Variants in PDE6D observed in about 807,000 individuals in gnomAD.
PDE6D encodes the protein retinal rod rhodopsin-sensitive cGMP 3',5'-cyclic phosphodiesterase subunit delta.
PDE6D carries 10 observed loss-of-function variants against 21.9 expected under a neutral mutation model. The observed-to-expected ratio is 0.46, with a 90% CI of 0.28 to 0.78. The LOEUF is 0.78. Ranked by LOEUF, PDE6D falls within the 30% of genes least tolerant of loss-of-function variation. PDE6D has a pLI of 0.12. For missense variants in PDE6D, 139 were observed against 184.8 expected (o/e 0.75, Z 1.44); for synonymous variants, 59 against 63.5 (o/e 0.93, Z 0.34).
At position 231,732,905 on chromosome 2, in the gene PDE6D, C is replaced by T; in HGVS notation, c.*47G>A. On this transcript the variant is annotated 3_prime_UTR_variant, in exon 5 of 5. Transcript: ENST00000287600. ...GAGGAAAAAAGTAAACAGTTTCCTC[C>T]TCCCTCCAAAAAACCCAAATTCTTG... 1 of 1,226,656 alleles carries T rather than the reference C, an allele frequency of 8.2e-7. No individual in the cohort carries two copies. 76.0% of individuals were successfully genotyped at this position (1,226,656 alleles called of 1,614,324 possible).
intron 1 of PDE6D, among the ~76,000 whole-genome samples, chr2:231,743,233 G>A (rs1363429236): frequency 6.6e-6 from 1 of 151,844 alleles, no homozygotes; most frequent in Non-Finnish European, 1.5e-5. Flanking sequence ...AGACCATCTT[G>A]GCCAACATGG....
intron 1 of PDE6D, among the ~76,000 whole-genome samples, chr2:231,747,153 C>T (rs1457053183): frequency 6.6e-6 from 1 of 152,112 alleles, no homozygotes; most frequent in East Asian, 1.9e-4. Context: ...TGCAGTGGTG[C>T]GATCTCGGCT....
chr2:231,750,581 C>T (rs760640705), intron 1 of PDE6D, among the ~76,000 whole-genome samples: 10 of 149,598 alleles, frequency 6.7e-5, no homozygotes, highest in Non-Finnish European at 1.2e-4. Flanking sequence ...ACTGCAACCT[C>T]CTCCCGGGTT....
chr2:231,755,797 G>A (rs1258688060), intron 1 of PDE6D, among the ~76,000 whole-genome samples: 5 of 152,112 alleles, frequency 3.3e-5, no homozygotes, highest in East Asian at 1.9e-4. Context: ...GCGCATGCCC[G>A]TAATCCCAGC....
At chr2:231,764,896 G>C (rs1028946475) in intron 1 of PDE6D, among the ~76,000 whole-genome samples, 2 of 152,194 alleles carry the variant, frequency 1.3e-5, no homozygotes, top group East Asian at 3.8e-4. Flanking sequence ...GCAATAGAGG[G>C]AGAGTTCATT....
intron 1 of PDE6D, among the ~76,000 whole-genome samples, chr2:231,757,710 T>C (rs757028072): frequency 2.0e-5 from 3 of 152,254 alleles, no homozygotes; most frequent in Non-Finnish European, 4.4e-5. Context: ...TAATGTTTAA[T>C]GATAATGAGA....
At chr2:231,769,057 C>T (rs1266434153) in intron 1 of PDE6D, among the ~76,000 whole-genome samples, 4 of 151,922 alleles carry the variant, frequency 2.6e-5, no homozygotes, top group East Asian at 1.9e-4. Context: ...TTAGTGGTGA[C>T]GGGGTTTCAT....
At chr2:231,775,915 T>C (rs2049052482) in intron 1 of PDE6D, among the ~76,000 whole-genome samples, 1 of 152,198 alleles carries the variant, frequency 6.6e-6, no homozygotes, top group Non-Finnish European at 1.5e-5. Flanking sequence ...CATAAAAGCA[T>C]AATTCATTCT....
Position 231,739,650 on chromosome 2 carries a change from G to A in PDE6D, c.51-462C>T, listed in dbSNP as rs201756114. 7.9e-6 allele frequency among the ~76,000 whole-genome samples: 1 copy of A among 127,080 alleles called. No individual in the cohort carries two copies. The allele number at this position is 127,080 out of a possible 152,430, so 83.4% of individuals were successfully genotyped here. ...GTGGCCCCCTCTGTTTTTTTTTTTT[G>A]AAACAGAGTCTCACTCTGTCACACA... On this transcript the variant is annotated intron_variant, in intron 1 of 4. Transcript: ENST00000287600. This position sits in a 1 kb window ranked among gnomAD's most constrained non-coding sequence, Gnocchi z 4.2.
At chr2:231,768,537 ACCACCACGC>A (rs1231049181) in intron 1 of PDE6D, 2 of 151,922 alleles carry the variant, frequency 1.3e-5, no homozygotes, top group African/African-American at 4.8e-5. Flanking sequence ...ACAAGCATGC[ACCACCACGC>A]CCAGCTAATT....
intron 1 of PDE6D, among the ~76,000 whole-genome samples, chr2:231,755,106 A>C (rs1189764598): frequency 6.6e-6 from 1 of 152,176 alleles, no homozygotes; most frequent in African/African-American, 2.4e-5. Flanking sequence ...ACGAGAAAAC[A>C]GTAGTCTGCA....
intron 1 of PDE6D, among the ~76,000 whole-genome samples, chr2:231,750,255 C>T (rs1018699934): frequency 2.0e-5 from 3 of 152,114 alleles, no homozygotes; most frequent in Non-Finnish European, 4.4e-5. Context: ...AACCTTTTTC[C>T]CCCGTTTCAG....
At chr2:231,737,117 A>T in intron 4 of PDE6D, 70 bp downstream of exon 4, 1 of 832,486 alleles carries the variant, frequency 1.2e-6, no homozygotes, top group Non-Finnish European at 2.0e-6. Flanking sequence ...GAATGGCACC[A>T]GGAGTCCCAC....
At chr2:231,743,291 G>A (rs1470080734) in intron 1 of PDE6D, among the ~76,000 whole-genome samples, 1 of 151,986 alleles carries the variant, frequency 6.6e-6, no homozygotes, top group Non-Finnish European at 1.5e-5. Context: ...GGGCGTGGTG[G>A]TGTGCGCCTG....
chr2:231,736,894 T>C (rs1194184280), intron 4 of PDE6D, among the ~76,000 whole-genome samples: 1 of 152,242 alleles, frequency 6.6e-6, no homozygotes, highest in Admixed American at 6.5e-5. Flanking sequence ...CTCAGAGAGA[T>C]AAAGTATATT....
chr2:231,773,110 T>G (rs1327368655), intron 1 of PDE6D, among the ~76,000 whole-genome samples: 1 of 152,086 alleles, frequency 6.6e-6, no homozygotes, highest in Non-Finnish European at 1.5e-5. Flanking sequence ...GGTATAGTGG[T>G]GCACACCTGT....
intron 3 of PDE6D, chr2:231,737,625 G>A (rs2106260798): frequency 3.3e-6 from 1 of 306,914 alleles, no homozygotes; most frequent in South Asian, 6.6e-5. Flanking sequence ...GCTTGAAGGG[G>A]CTTATGTGCC....
Position 231,770,663 on chromosome 2 carries a change from C to A in PDE6D, c.50+10402G>T, listed in dbSNP as rs564771836. Among the ~76,000 whole-genome samples, 219 of 151,982 alleles carry A rather than the reference C, an allele frequency of 1.4e-3. 2 individuals are homozygous for A. The highest frequency in any genetic ancestry group is 4.9e-3 in the African/African-American group (202 of 41,482). On this transcript the variant is annotated intron_variant, in intron 1 of 4. Transcript: ENST00000287600. ...CAAAATCTGGTCTCTAAAAAAATAA[C>A]AAAAATTGGCCGGGTATGGTGGCTC... is the stretch of plus-strand genomic sequence containing the variant.
At chr2:231,777,851 T>G (rs958522680) in intron 1 of PDE6D, among the ~76,000 whole-genome samples, 1 of 152,244 alleles carries the variant, frequency 6.6e-6, no homozygotes, top group African/African-American at 2.4e-5. Context: ...TGTAAATACG[T>G]TCCAGGTGGA....
Sources: gnomAD v4.1 joint callset for allele counts (sites outside exome capture counted in the v4.1 genomes callset) on GRCh38, gnomAD v4.1.1 for gene constraint, Gnocchi (gnomAD v3.1) non-coding constraint, MANE v1.5 for transcripts, NCBI Gene and HGNC (gene_info 2026-07-23, HGNC 2026-07-21) for gene names.